The following HGF variants were observed in gnomAD, a reference collection of about 807,000 sequenced individuals.
HGF encodes the protein hepatocyte growth factor, also known as fibroblast-derived tumor cytotoxic factor.
Under a neutral mutation model 111.6 loss-of-function variants are expected in HGF, and 39 were observed. The ratio of observed to expected loss-of-function variants is 0.35; its 90% CI spans 0.27 to 0.46. HGF has a LOEUF of 0.46. Ranked by LOEUF, HGF falls within the 20% of genes least tolerant of loss-of-function variation. HGF has a pLI of 1.00. For missense variants in HGF, 735 were observed against 910.5 expected (o/e 0.81, Z 2.48); for synonymous variants, 285 against 294.8 (o/e 0.97, Z 0.34).
intron 7 of HGF, among the ~76,000 whole-genome samples, chr7:81,737,027 T>TA (rs1368761969): frequency 2.6e-5 from 4 of 151,796 alleles, no homozygotes; most frequent in Non-Finnish European, 4.4e-5. Context: ...CCATTCATGT[T>TA]AAAAAATGAT....
intron 11 of HGF, 89 bp downstream of exon 11, chr7:81,717,143 G>T: frequency 7.5e-7 from 1 of 1,334,544 alleles, no homozygotes; most frequent in Non-Finnish European, 1.1e-6. Flanking sequence ...GGGAATAAAT[G>T]CCAGACCACC....
intron 4 of HGF, among the ~76,000 whole-genome samples, chr7:81,754,291 CCTA>C (rs1788649754): frequency 6.6e-6 from 1 of 151,730 alleles, no homozygotes; most frequent in Non-Finnish European, 1.5e-5. Context: ...ATTTAAGAAA[CCTA>C]GTAGTTATAG....
At chr7:81,757,023 A>G (rs1788807933) in intron 4 of HGF, 166 bp downstream of exon 4, 1 of 624,598 alleles carries the variant, frequency 1.6e-6, no homozygotes, top group Non-Finnish European at 2.9e-6. Flanking sequence ...TTAATTAATC[A>G]TTTGCTAAAT....
At chr7:81,766,221 T>A (rs1789350344) in intron 1 of HGF, among the ~76,000 whole-genome samples, 1 of 152,140 alleles carries the variant, frequency 6.6e-6, no homozygotes, top group African/African-American at 2.4e-5. Context: ...TTCTTCTCTG[T>A]GTGGACTAAC....
At chr7:81,731,463 A>G (rs73712325) in intron 7 of HGF, among the ~76,000 whole-genome samples, 5,810 of 152,228 alleles carry the variant, frequency 0.038, 398 homozygotes, top group African/African-American at 0.13. Flanking sequence ...ATATATATTG[A>G]TTTTAGGAAG....
intron 2 of HGF, among the ~76,000 whole-genome samples, chr7:81,760,561 G>C (rs538077661): frequency 9.4e-4 from 143 of 152,052 alleles, no homozygotes; most frequent in Non-Finnish European, 1.9e-3. Flanking sequence ...AACATGTCTA[G>C]AAACAACATC....
In HGF at chr7:81,705,496, T is replaced by G; in HGVS notation, c.1904A>C (p.Tyr635Ser). ...YDGLLRVAHL[Y>S]IMGNEKCSQH... ...GCTGCATTTCTCATTTCCCATTATA[T>G]AGAGATGTGCCACTCGTAATAGGCC... is the stretch of plus-strand genomic sequence containing the variant. Residue 635 changes from tyrosine (Y) to serine (S), a missense_variant, in exon 17 of 18, where the codon TAT (tyrosine) becomes TCT (serine). Physicochemically the swap from Tyr to Ser is moderately radical, Grantham distance 144. Coordinates refer to ENST00000222390, the MANE Select transcript of HGF (RefSeq NM_000601.6). The G allele has an allele frequency of 6.2e-7, 1 of 1,612,608 alleles. No homozygotes were observed. Among genetic ancestry groups the G allele is most frequent in the Non-Finnish European group, 8.5e-7 (1 of 1,179,020 alleles).
At chr7:81,766,097 T>C (rs563138325) in intron 1 of HGF, among the ~76,000 whole-genome samples, 2 of 152,330 alleles carry the variant, frequency 1.3e-5, no homozygotes, top group South Asian at 4.1e-4. Context: ...AGGATCCTAG[T>C]GAAAACCTAC....
chr7:81,718,050 T>G (rs1203183366), intron 10 of HGF, among the ~76,000 whole-genome samples: 1 of 152,164 alleles, frequency 6.6e-6, no homozygotes, highest in Non-Finnish European at 1.5e-5. Flanking sequence ...CTCAATAACA[T>G]GAATGAAGTC....
Position 81,707,311 on chromosome 7 carries a change from G to A in HGF, c.1595C>T (p.Ala532Val), listed in dbSNP as rs1418748701. Reference sequence around the variant, plus strand: ...TTACCGAGAAGGGAAACACTGTCGTGCAGTAAGAACCCAACTCTCCTTTAT... The same window carrying A: ...TTACCGAGAAGGGAAACACTGTCGTACAGTAAGAACCCAACTCTCCTTTAT... ...SLIKESWVLT[A>V]RQCFPSRDLK... The change falls in exon 14 of 18, where the codon GCA becomes GTA. Residue 532 changes from alanine to valine, a missense_variant. This residue lies in a region of HGF where 553 missense variants were observed against 685.6 expected (regional missense o/e 0.81). Transcript: ENST00000222390. 1.0e-5 allele frequency: 16 copies of A among 1,596,006 alleles called. No homozygotes were observed. The highest frequency in any genetic ancestry group is 1.3e-5 in the African/African-American group (1 of 74,532).
At chr7:81,759,960 A>C (rs1419137756) in intron 2 of HGF, among the ~76,000 whole-genome samples, 2 of 152,174 alleles carry the variant, frequency 1.3e-5, no homozygotes, top group Admixed American at 6.5e-5. Context: ...AAAAATGATA[A>C]ATTTGTTTTT....
intron 3 of HGF, among the ~76,000 whole-genome samples, chr7:81,757,946 T>C (rs892035014): frequency 1.3e-5 from 2 of 152,034 alleles, no homozygotes; most frequent in African/African-American, 4.8e-5. Flanking sequence ...ATTATTGAGG[T>C]GTATAAAGAT....
At chr7:81,751,757 C>T (rs1374229157) in intron 5 of HGF, 1 of 1,074,756 alleles carries the variant, frequency 9.3e-7, no homozygotes, top group African/African-American at 1.7e-5. Flanking sequence ...ATAGAATTAA[C>T]ATTGCTAATG....
intron 15 of HGF, among the ~76,000 whole-genome samples, 173 bp downstream of exon 15, chr7:81,706,114 T>TCC (rs1216362267): frequency 6.6e-6 from 1 of 151,942 alleles, no homozygotes; most frequent in Non-Finnish European, 1.5e-5. Flanking sequence ...AATACCTTTC[T>TCC]CTCTATACTC....
chr7:81,751,500 T>C, intron 5 of HGF: 4 of 52,838 alleles, frequency 7.6e-5, no homozygotes, highest in African/African-American at 3.3e-3. Context: ...TTAAGGTCCA[T>C]AGACATGCCT....
At chr7:81,703,174 A>G (rs966292960) in intron 17 of HGF, among the ~76,000 whole-genome samples, 4 of 151,702 alleles carry the variant, frequency 2.6e-5, no homozygotes, top group African/African-American at 9.7e-5. Context: ...AGTATAAAAG[A>G]AAATAACTTG....
intron 4 of HGF, chr7:81,756,364 A>G (rs1788768913): frequency 6.8e-6 from 2 of 294,924 alleles, no homozygotes; most frequent in East Asian, 1.3e-4. Flanking sequence ...TGCATTACTA[A>G]TAAGGGGAGA....
intron 7 of HGF, among the ~76,000 whole-genome samples, chr7:81,736,432 G>C (rs574280478): frequency 4.6e-5 from 7 of 151,828 alleles, no homozygotes; most frequent in African/African-American, 1.7e-4. Context: ...TGGCCCCAAG[G>C]CACAAAAATA....
intron 7 of HGF, chr7:81,742,903 A>G: frequency 6.2e-7 from 1 of 1,612,636 alleles, no homozygotes; most frequent in Non-Finnish European, 8.5e-7. Context: ...AGCCTCTGTC[A>G]CTCACCAGAA....
Sources: allele counts gnomAD v4.1 joint callset (sites outside exome capture counted in the v4.1 genomes callset), GRCh38; gene constraint gnomAD v4.1.1; regional missense constraint gnomAD v4.1.1; transcripts MANE v1.5; gene names NCBI Gene and HGNC (gene_info 2026-07-23, HGNC 2026-07-21).